The following CCNC variants were observed in gnomAD, a reference collection of about 807,000 sequenced individuals.
The protein encoded by CCNC is cyclin-C.
A neutral mutation model predicts 50.0 loss-of-function variants in CCNC; 19 were observed. The ratio of observed to expected loss-of-function variants is 0.38; its 90% CI spans 0.27 to 0.56. The LOEUF (loss-of-function observed/expected upper bound fraction) is 0.56. CCNC is among the 20% of genes least tolerant of loss of function. The pLI, the probability that CCNC is intolerant of heterozygous loss-of-function variation, is 0.72. For synonymous variants in CCNC, 93 were observed against 103.7 expected (o/e 0.90, Z 0.63); for missense variants, 200 against 327.1 (o/e 0.61, Z 3.00).
chr6:99,546,483 A>C lies in CCNC; in HGVS notation c.599-9T>G, dbSNP rs1206272167. On this transcript the variant is annotated splice_polypyrimidine_tract_variant and intron_variant, in intron 9 of 11. Coordinates refer to ENST00000520429, the MANE Select transcript of CCNC (RefSeq NM_005190.4). ...GGCTACATGTAGGCAAGCTGAAATGAAAATGAGAGACAACTGTCCATGTTT... is the reference window on the plus strand; with the variant it reads ...GGCTACATGTAGGCAAGCTGAAATGCAAATGAGAGACAACTGTCCATGTTT... The C allele has an allele frequency of 6.3e-7, 1 of 1,578,920 alleles. No homozygotes were observed.
In CCNC at chr6:99,542,516, TTTTA is replaced by T. The variant is rs1327493411; in HGVS notation, c.*1035_*1038del. ...TGCATCAATATCCTATGACTCCAAA[TTTTA>T]TTTATCACTCTCCTTCAAGTCTGAA... On this transcript the variant is annotated 3_prime_UTR_variant, in exon 12 of 12. Transcript: ENST00000520429. The T allele has an allele frequency of 2.6e-5, 4 of 152,640 alleles. No homozygotes were observed. The highest frequency in any genetic ancestry group is 5.9e-5 in the Non-Finnish European group (4 of 68,026). The allele number at this position is 152,640 out of a possible 1,614,324, so 9.5% of individuals were successfully genotyped here. A position where few individuals can be genotyped will look rare whatever the true frequency, so the allele number is the denominator to read the frequency against.
chr6:99,566,208 T>G (rs1769114193), intron 1 of CCNC, among the ~76,000 whole-genome samples: 1 of 152,014 alleles, frequency 6.6e-6, no homozygotes, highest in African/African-American at 2.4e-5. Flanking sequence ...TTATTTACTC[T>G]AAGAATTAGC....
intron 10 of CCNC, among the ~76,000 whole-genome samples, chr6:99,545,745 C>T (rs1465835704): frequency 6.6e-6 from 1 of 152,156 alleles, no homozygotes; most frequent in Non-Finnish European, 1.5e-5. Flanking sequence ...ATGCATTTAA[C>T]ACTTGAGCAG....
At chr6:99,562,576 C>CT in intron 2 of CCNC, 1 of 282,556 alleles carries the variant, frequency 3.5e-6, no homozygotes, top group Non-Finnish European at 6.5e-6. Flanking sequence ...CAACCTTGAA[C>CT]TGGGTCTAAT....
In CCNC at chr6:99,542,825, A is replaced by C. The variant is rs892247644; in HGVS notation, c.*730T>G. ...AACATTATGGTTTTTGAATCCAATT[A>C]AGCTTTCAAAATGCCTGATTAGCTG... On this transcript the variant is annotated 3_prime_UTR_variant, in exon 12 of 12. Transcript: ENST00000520429. 6.6e-6 allele frequency: 1 copy of C among 152,556 alleles called. No homozygotes were observed. Among genetic ancestry groups the C allele is most frequent in the Non-Finnish European group, 1.5e-5 (1 of 67,978 alleles). 9.5% of individuals were successfully genotyped at this position (152,556 alleles called of 1,614,324 possible). A position where few individuals can be genotyped will look rare whatever the true frequency, so the allele number is the denominator to read the frequency against.
At chr6:99,565,233 C>G (rs1041458810) in intron 1 of CCNC, among the ~76,000 whole-genome samples, 1 of 151,998 alleles carries the variant, frequency 6.6e-6, no homozygotes, top group African/African-American at 2.4e-5. Context: ...TTTGTGATTA[C>G]ATTACATTTA....
At chr6:99,562,724 C>A in intron 2 of CCNC, 118 bp downstream of exon 2, 1 of 588,706 alleles carries the variant, frequency 1.7e-6, no homozygotes, top group Non-Finnish European at 3.0e-6. Context: ...AAAAAGAATA[C>A]CTGTATAAGC....
intron 5 of CCNC, among the ~76,000 whole-genome samples, chr6:99,553,171 T>A (rs1055469407): frequency 6.6e-6 from 1 of 152,198 alleles, no homozygotes; most frequent in Non-Finnish European, 1.5e-5. Flanking sequence ...CTAGAATAAT[T>A]TAAACTTGAC....
chr6:99,564,809 G>C (rs529928808), intron 1 of CCNC, among the ~76,000 whole-genome samples: 2 of 152,042 alleles, frequency 1.3e-5, no homozygotes, highest in Admixed American at 1.3e-4. Flanking sequence ...ATGTTTGTCA[G>C]GCATAGCAAG....
chr6:99,551,387 A>C (rs1466954956), intron 6 of CCNC, among the ~76,000 whole-genome samples: 2 of 152,180 alleles, frequency 1.3e-5, no homozygotes, highest in South Asian at 4.1e-4. Context: ...AATTTAAAAA[A>C]TGTAACTTAA....
intron 2 of CCNC, 41 bp from the exon 3 acceptor site, chr6:99,561,722 A>G (rs1802789103): frequency 8.7e-7 from 1 of 1,155,092 alleles, no homozygotes; most frequent in Non-Finnish European, 1.3e-6. Context: ...ATCTTCTGGT[A>G]TCATTATAAT....
Position 99,568,522 on chromosome 6 carries a change from T to A in CCNC, c.6A>T (p.Ala2=), listed in dbSNP as rs370537137. The change falls in exon 1 of 12, where the codon GCA becomes GCT. Residue 2 remains alanine (A), a synonymous_variant. Transcript: ENST00000520429. Reference sequence around the variant, plus strand: ...AGTGGGAGCTCTGCCAAAAGTTCCCTGCCATGGAACACAGCTTGCCCTGAT... The same window carrying A: ...AGTGGGAGCTCTGCCAAAAGTTCCCAGCCATGGAACACAGCTTGCCCTGAT... M[A]GNFWQSSHYL... 6.2e-7 allele frequency: 1 copy of A among 1,612,662 alleles called. No individual in the cohort carries two copies. The highest frequency in any genetic ancestry group is 8.5e-7 in the Non-Finnish European group (1 of 1,179,384).
Position 99,543,318 on chromosome 6 carries a change from A to C in CCNC, c.*237T>G, listed in dbSNP as rs543799342. ...GCTATTAATTTTGAAATGTCTATGT[A>C]TGTCTGTCTGTAGGTCCCCTTAGAA... On this transcript the variant is annotated 3_prime_UTR_variant, in exon 12 of 12. Transcript: ENST00000520429. The C allele has an allele frequency of 5.7e-5, 24 of 419,596 alleles. No individual in the cohort carries two copies. The highest frequency in any genetic ancestry group is 8.5e-5 in the Non-Finnish European group (20 of 235,622). 26.0% of individuals were successfully genotyped at this position (419,596 alleles called of 1,614,324 possible).
intron 1 of CCNC, among the ~76,000 whole-genome samples, chr6:99,563,525 C>T (rs1470094385): frequency 6.6e-6 from 1 of 152,144 alleles, no homozygotes; most frequent in East Asian, 1.9e-4. Context: ...TATCTTGAAC[C>T]TGTGTTTGTC....
At chr6:99,562,795 A>G (rs1306992905) in intron 2 of CCNC, 47 bp downstream of exon 2, 3 of 1,051,370 alleles carry the variant, frequency 2.9e-6, no homozygotes, top group Non-Finnish European at 4.2e-6. Flanking sequence ...ATTTTTATTC[A>G]GAGGTAACCA....
At chr6:99,555,065 G>A (rs145092897) in intron 5 of CCNC, among the ~76,000 whole-genome samples, 2 of 152,112 alleles carry the variant, frequency 1.3e-5, no homozygotes, top group Non-Finnish European at 1.5e-5. Context: ...ATTGATTTAC[G>A]TAATTGTTTA....
intron 11 of CCNC, 99 bp downstream of exon 11, chr6:99,545,013 A>G: frequency 1.6e-6 from 1 of 632,098 alleles, no homozygotes; most frequent in Non-Finnish European, 2.8e-6. Flanking sequence ...AAGTTTTGGA[A>G]GAAATGTTTT....
At chr6:99,557,735 G>A (rs561890603) in intron 5 of CCNC, 8 of 149,284 alleles carry the variant, frequency 5.4e-5, no homozygotes, top group Admixed American at 4.8e-4. Flanking sequence ...GAACCCAGGA[G>A]GCGGAAGTTG....
chr6:99,551,593 G>A (rs1315122231), intron 6 of CCNC, among the ~76,000 whole-genome samples: 1 of 152,096 alleles, frequency 6.6e-6, no homozygotes, highest in Non-Finnish European at 1.5e-5. Context: ...TTCTGGAAAG[G>A]ATCCAACATC....
Sources: gnomAD v4.1 joint callset for allele counts (sites outside exome capture counted in the v4.1 genomes callset) on GRCh38, gnomAD v4.1.1 for gene constraint, MANE v1.5 for transcripts, NCBI Gene and HGNC (gene_info 2026-07-23, HGNC 2026-07-21) for gene names.